Variants in NELL2 observed in about 807,000 individuals in gnomAD.
The protein encoded by NELL2 is neural EGFL like 2.
NELL2 carries 41 observed loss-of-function variants against 109.6 expected under a neutral mutation model. The observed-to-expected ratio is 0.37, with a 90% CI of 0.29 to 0.49. NELL2 has a LOEUF of 0.49. Ranked by LOEUF, NELL2 falls within the 20% of genes least tolerant of loss-of-function variation. The pLI is 0.98. For synonymous variants in NELL2, 355 were observed against 344.7 expected (o/e 1.03, Z -0.33); for missense variants, 900 against 1,008.3 (o/e 0.89, Z 1.45).
intron 3 of NELL2, among the ~76,000 whole-genome samples, chr12:44,783,620 C>T (rs1942048321): frequency 1.3e-5 from 2 of 151,888 alleles, no homozygotes; most frequent in Admixed American, 6.6e-5. Flanking sequence ...AAAAACACAA[C>T]TTACAGAATA....
At chr12:44,864,644 A>C (rs930750772) in intron 2 of NELL2, among the ~76,000 whole-genome samples, 1 of 152,246 alleles carries the variant, frequency 6.6e-6, no homozygotes, top group Non-Finnish European at 1.5e-5. Flanking sequence ...CCCTACTTTC[A>C]GCAATGAACA....
chr12:44,834,129 A>G lies in NELL2; in HGVS notation c.185-17993T>C, dbSNP rs1943973867. On this transcript the variant is annotated intron_variant, in intron 2 of 19. Coordinates refer to ENST00000429094, the MANE Select transcript of NELL2 (RefSeq NM_001145108.2). ...ATATGTAAAAGATACAATAATTTCC[A>G]TTTCTAATTTAGGAAATTAGGCCCA... Among the ~76,000 whole-genome samples the G allele has an allele frequency of 2.0e-5, 3 of 152,148 alleles. No individual in the cohort carries two copies. The South Asian group carries it at 6.2e-4, about 31-fold the overall frequency.
intron 10 of NELL2, 22 bp from the exon 11 acceptor site, chr12:44,711,416 G>T: frequency 6.3e-7 from 1 of 1,584,044 alleles, no homozygotes; most frequent in Non-Finnish European, 8.7e-7. Flanking sequence ...CAGAAAAGAA[G>T]TGCTTCAAAT....
At chr12:44,890,833 C>T (rs893564035) in intron 1 of NELL2, among the ~76,000 whole-genome samples, 3 of 152,128 alleles carry the variant, frequency 2.0e-5, no homozygotes, top group Non-Finnish European at 2.9e-5. Context: ...TGGGTTCAAG[C>T]GATTCTCTCA....
At chr12:44,714,086 T>A (rs1938355990) in intron 10 of NELL2, among the ~76,000 whole-genome samples, 1 of 151,978 alleles carries the variant, frequency 6.6e-6, no homozygotes, top group Admixed American at 6.6e-5. Context: ...GAAACATATT[T>A]AGTTTTTCAA....
At chr12:44,622,835 CT>C (rs1265352885) in intron 13 of NELL2, among the ~76,000 whole-genome samples, 1 of 152,076 alleles carries the variant, frequency 6.6e-6, no homozygotes, top group African/African-American at 2.4e-5. Flanking sequence ...ATTTATCTTT[CT>C]TAGAGTATGT....
At chr12:44,539,036 G>A (rs1401867931) in intron 15 of NELL2, among the ~76,000 whole-genome samples, 1 of 151,914 alleles carries the variant, frequency 6.6e-6, no homozygotes, top group African/African-American at 2.4e-5. Flanking sequence ...AATGTTCCTT[G>A]GGGAAGCTTT....
At chr12:44,798,571 T>A (rs1471532022) in intron 3 of NELL2, among the ~76,000 whole-genome samples, 1 of 152,186 alleles carries the variant, frequency 6.6e-6, no homozygotes, top group African/African-American at 2.4e-5. Flanking sequence ...TAAGTCATCC[T>A]TCAAATTTAT....
intron 13 of NELL2, among the ~76,000 whole-genome samples, chr12:44,628,670 T>C (rs1034170207): frequency 6.6e-6 from 1 of 152,186 alleles, no homozygotes; most frequent in African/African-American, 2.4e-5. Context: ...CTGGCCTCTA[T>C]AGCTTTCCTT....
At chr12:44,761,001 A>T (rs2136548960) in intron 9 of NELL2, among the ~76,000 whole-genome samples, 1 of 152,352 alleles carries the variant, frequency 6.6e-6, no homozygotes, top group African/African-American at 2.4e-5. Context: ...ACCTCTTACA[A>T]ATGAGTAAGA....
chr12:44,763,112 AG>A (rs1217916315), intron 9 of NELL2, among the ~76,000 whole-genome samples: 3 of 152,214 alleles, frequency 2.0e-5, no homozygotes, highest in Non-Finnish European at 4.4e-5. Context: ...TTCAGCATTT[AG>A]GAACTGTGGT....
intron 2 of NELL2, among the ~76,000 whole-genome samples, chr12:44,819,947 G>A (rs1190811423): frequency 6.6e-6 from 1 of 152,124 alleles, no homozygotes; most frequent in Non-Finnish European, 1.5e-5. Flanking sequence ...AGACAGTGTG[G>A]AATGCCCATG....
chr12:44,821,154 T>C (rs1375781478), intron 2 of NELL2, among the ~76,000 whole-genome samples: 2 of 152,250 alleles, frequency 1.3e-5, no homozygotes, highest in African/African-American at 2.4e-5. Context: ...TTTTCCCTTT[T>C]GAACTCATGT....
At chr12:44,565,562 G>A (rs1943625390) in intron 15 of NELL2, among the ~76,000 whole-genome samples, 2 of 152,158 alleles carry the variant, frequency 1.3e-5, no homozygotes, top group African/African-American at 2.4e-5. Flanking sequence ...TTTAGATTGA[G>A]GGAAGAGCAA....
intron 15 of NELL2, among the ~76,000 whole-genome samples, chr12:44,604,575 C>T (rs1229372142): frequency 2.6e-5 from 4 of 152,048 alleles, no homozygotes; most frequent in Admixed American, 6.6e-5. Flanking sequence ...AGAGGCAGGC[C>T]TTGTACTGTT....
chr12:44,613,164 A>G (rs972719006), intron 13 of NELL2, among the ~76,000 whole-genome samples: 1 of 152,098 alleles, frequency 6.6e-6, no homozygotes, highest in Non-Finnish European at 1.5e-5. Context: ...AAGATACCTT[A>G]GTCTCCCCCT....
chr12:44,816,622 G>A (rs534205686), intron 2 of NELL2, among the ~76,000 whole-genome samples: 1 of 152,262 alleles, frequency 6.6e-6, no homozygotes, highest in East Asian at 1.9e-4. Flanking sequence ...CAGCCAGAAG[G>A]TTTGCTATAA....
chr12:44,648,332 G>A (rs1028916209), intron 13 of NELL2, among the ~76,000 whole-genome samples: 5 of 151,910 alleles, frequency 3.3e-5, no homozygotes, highest in African/African-American at 7.3e-5. Context: ...CCTTTAGTTC[G>A]CCCCAGGTTA....
chr12:44,875,644 A>G (rs150324211), intron 1 of NELL2, 171 bp downstream of exon 1: 2 of 1,598,020 alleles, frequency 1.3e-6, no homozygotes, highest in South Asian at 1.1e-5. Context: ...CGCGGTCTCC[A>G]AGGCAAGCAC....
Sources: allele counts gnomAD v4.1 joint callset (sites outside exome capture counted in the v4.1 genomes callset), GRCh38; gene constraint gnomAD v4.1.1; transcripts MANE v1.5; gene names NCBI Gene and HGNC (gene_info 2026-07-23, HGNC 2026-07-21).